The following HK1 variants were observed in gnomAD, a reference collection of about 807,000 sequenced individuals.
HK1 encodes hexokinase 1, also known as hexokinase-1.
HK1 carries 28 observed loss-of-function variants against 91.6 expected under a neutral mutation model. That is an observed-to-expected ratio of 0.31 (90% CI 0.23 to 0.42). The LOEUF (loss-of-function observed/expected upper bound fraction) is 0.42, where lower values mean the gene tolerates loss of function less well. Ranked by LOEUF, HK1 falls within the 10% of genes least tolerant of loss-of-function variation. HK1 has a pLI of 1.00. For synonymous variants in HK1, 430 were observed against 468.1 expected (o/e 0.92, Z 1.05); for missense variants, 770 against 1,219.8 (o/e 0.63, Z 5.49).
At chr10:69,338,394 A>G in intron 1 of HK1, 2 of 1,215,644 alleles carry the variant, frequency 1.6e-6, no homozygotes, top group East Asian at 5.8e-5. Context: ...GCCTGACCAG[A>G]CTGACCAGAG....
At chr10:69,282,129 G>A (rs907301550) in intron 1 of HK1, among the ~76,000 whole-genome samples, 11 of 152,118 alleles carry the variant, frequency 7.2e-5, no homozygotes, top group South Asian at 2.1e-4. Context: ...TCCTGTAAGC[G>A]TCGGCTTCCC....
At chr10:69,297,968 T>C (rs983489645) in intron 4 of HK1, among the ~76,000 whole-genome samples, 7 of 151,084 alleles carry the variant, frequency 4.6e-5, no homozygotes, top group Non-Finnish European at 1.0e-4. Flanking sequence ...CCCAGCACTT[T>C]GGGAGGCCGA....
chr10:69,305,768 G>A (rs1209053216), intron 5 of HK1, among the ~76,000 whole-genome samples: 1 of 151,570 alleles, frequency 6.6e-6, no homozygotes. Context: ...GAGGAGAATC[G>A]TTTGAACCCG....
chr10:69,351,467 C>T (rs1375102465), intron 2 of HK1, among the ~76,000 whole-genome samples: 2 of 152,162 alleles, frequency 1.3e-5, no homozygotes, highest in Non-Finnish European at 2.9e-5. Flanking sequence ...CGAGATCGCG[C>T]CATTGCCGTC....
chr10:69,300,914 A>C, intron 5 of HK1: 2 of 933,200 alleles, frequency 2.1e-6, no homozygotes, highest in Non-Finnish European at 3.5e-6. Context: ...CTAATAAACA[A>C]TTTCAGCAAG....
chr10:69,306,952 G>A (rs1192524373), intron 5 of HK1, among the ~76,000 whole-genome samples: 2 of 152,220 alleles, frequency 1.3e-5, no homozygotes, highest in Admixed American at 6.5e-5. Context: ...CCAGTGACTA[G>A]GAAAGTGCAG....
intron 2 of HK1, among the ~76,000 whole-genome samples, chr10:69,284,957 C>T (rs1844947021): frequency 6.6e-6 from 1 of 152,036 alleles, no homozygotes; most frequent in Admixed American, 6.5e-5. Flanking sequence ...GCTGGGACTA[C>T]AGGTGCCAGC....
intron 2 of HK1, among the ~76,000 whole-genome samples, chr10:69,351,104 G>C (rs1848838972): frequency 6.6e-6 from 1 of 151,776 alleles, no homozygotes; most frequent in Non-Finnish European, 1.5e-5. Context: ...GAACCTGGGA[G>C]GTGGAGCTTG....
intron 2 of HK1, among the ~76,000 whole-genome samples, chr10:69,359,356 G>T (rs7095140): frequency 1.1e-3 from 164 of 152,222 alleles, no homozygotes; most frequent in African/African-American, 3.9e-3. Flanking sequence ...TGAATTGTAC[G>T]CCTGAAAATG....
intron 8 of HK1, 45 bp from the exon 9 acceptor site, chr10:69,379,817 C>T (rs1383093595): frequency 4.4e-6 from 6 of 1,349,574 alleles, no homozygotes; most frequent in East Asian, 4.6e-5. Flanking sequence ...TTTGCACTGC[C>T]TCATGTGGTC....
chr10:69,384,542 A>C (rs1485241265), intron 11 of HK1, 61 bp downstream of exon 11: 1 of 1,605,492 alleles, frequency 6.2e-7, no homozygotes, highest in Non-Finnish European at 8.5e-7. Context: ...ACCGGCAGTC[A>C]CGTGATGACC....
chr10:69,315,981 G>T, upstream of HK1: 1 of 1,614,236 alleles, frequency 6.2e-7, no homozygotes, highest in Non-Finnish European at 8.5e-7. Context: ...GCCTGAGTTT[G>T]CCCTGTCGAG....
intron 10 of HK1, among the ~76,000 whole-genome samples, chr10:69,383,629 C>T (rs891945415): frequency 6.6e-6 from 1 of 152,268 alleles, no homozygotes; most frequent in Admixed American, 6.5e-5. Flanking sequence ...CTCTGCCGGC[C>T]TCATTCCTGC....
chr10:69,316,491 C>T (rs1007859628), upstream of HK1, among the ~76,000 whole-genome samples: 1 of 152,208 alleles, frequency 6.6e-6, no homozygotes, highest in Non-Finnish European at 1.5e-5. Flanking sequence ...AGACATTTCT[C>T]AGGAAATATT....
intron 1 of HK1, among the ~76,000 whole-genome samples, chr10:69,332,879 A>T (rs1847806974): frequency 6.6e-6 from 1 of 152,128 alleles, no homozygotes; most frequent in Non-Finnish European, 1.5e-5. Context: ...TTCCTGGCTA[A>T]CAGAGTAGGC....
chr10:69,338,996 C>G lies in HK1; in HGVS notation c.64-4831C>G, dbSNP rs550412586. On this transcript the variant is annotated intron_variant, in intron 1 of 17. Transcript: ENST00000359426. ...TCCAATGCCCTTTCTTCCTCCCTCT[C>G]TCCTTCAACCCACTGCCCATTCCCA... Among the ~76,000 whole-genome samples the G allele has an allele frequency of 1.8e-4, 27 of 152,278 alleles. No homozygotes were observed. In the South Asian group the frequency reaches 5.6e-3, roughly 32 times the overall value.
intron 1 of HK1, among the ~76,000 whole-genome samples, chr10:69,325,379 A>T (rs1037207596): frequency 1.0e-4 from 14 of 137,106 alleles, no homozygotes; most frequent in African/African-American, 3.9e-4. Flanking sequence ...TTTTTTTGAG[A>T]TGGAGTTCTG....
chr10:69,378,583 G>A (rs183750666), intron 8 of HK1, among the ~76,000 whole-genome samples: 248 of 152,220 alleles, frequency 1.6e-3, no homozygotes, highest in African/African-American at 5.5e-3. Flanking sequence ...ATAGAATGAC[G>A]GGAGAGGTTA....
rs559885269 is a variant in HK1, at chr10:69,319,739, G to A, written c.63+729G>A. ...CTGTGGCATGCTTGTTCTAGCACTT[G>A]GACGCATGCATCCTCCTGTCCTGAG... On this transcript the variant is annotated intron_variant, in intron 1 of 17. Transcript: ENST00000359426. Among the ~76,000 whole-genome samples, 9 of 152,338 alleles carry A rather than the reference G, an allele frequency of 5.9e-5. 1 individual carries two copies. The highest frequency in any genetic ancestry group is 2.2e-4 in the African/African-American group (9 of 41,570).
Sources: gnomAD v4.1 joint callset for allele counts (sites outside exome capture counted in the v4.1 genomes callset) on GRCh38, gnomAD v4.1.1 for gene constraint, MANE v1.5 for transcripts, NCBI Gene and HGNC (gene_info 2026-07-23, HGNC 2026-07-21) for gene names.